The following NCKAP5 variants were observed in gnomAD, a reference collection of about 807,000 sequenced individuals.
NCKAP5 encodes the protein nck-associated protein 5.
Under a neutral mutation model 167.0 loss-of-function variants are expected in NCKAP5, and 92 were observed. The ratio of observed to expected loss-of-function variants is 0.55; its 90% CI spans 0.47 to 0.66. NCKAP5 has a LOEUF of 0.66. Among genes scored for constraint, NCKAP5 ranks in the 30% least tolerant of loss-of-function variants. The pLI, the probability that NCKAP5 is intolerant of heterozygous loss-of-function variation, is 0.00. For missense variants in NCKAP5, 2,378 were observed against 2,315.0 expected, an observed-to-expected ratio of 1.03 and a Z score of -0.56; for synonymous variants, 891 against 877.4, an observed-to-expected ratio of 1.02 and a Z score of -0.27.
In NCKAP5 at chr2:133,431,875, T is replaced by C. The variant is rs74329697; in HGVS notation, c.69+85583A>G. ...GGATTGAGGAAAGGAATCAAATCCA[T>C]TTACATGAGTATAAAGGTTCAAGAA... is the stretch of plus-strand genomic sequence containing the variant. On this transcript the variant is annotated intron_variant, in intron 3 of 19. Transcript: ENST00000409261. 619 of 152,274 alleles carry C rather than the reference T, an allele frequency of 4.1e-3. 6 individuals are homozygous for C. The highest frequency in any genetic ancestry group is 0.014 in the African/African-American group (572 of 41,546). 9.4% of individuals were successfully genotyped at this position (152,274 alleles called of 1,614,324 possible).
At chr2:133,607,163 C>G in the NCKAP5 span, among the ~76,000 whole-genome samples, 1 of 152,226 alleles carries the variant, frequency 6.6e-6, no homozygotes, top group African/African-American at 2.4e-5. Flanking sequence ...TTACCTCCAA[C>G]TCTTTTTAAT....
chr2:132,806,242 C>T (rs1049877081), intron 11 of NCKAP5, among the ~76,000 whole-genome samples: 1 of 152,124 alleles, frequency 6.6e-6, no homozygotes, highest in Non-Finnish European at 1.5e-5. Context: ...AATGTGTGTG[C>T]AAGTATCTTT....
At chr2:133,146,062 G>A (rs2083184712) in intron 5 of NCKAP5, among the ~76,000 whole-genome samples, 1 of 151,740 alleles carries the variant, frequency 6.6e-6, no homozygotes, top group African/African-American at 2.4e-5. Context: ...ATCTTCTCTT[G>A]TGATGAAGTT....
intron 6 of NCKAP5, among the ~76,000 whole-genome samples, chr2:133,090,516 G>T (rs1264450795): frequency 6.6e-6 from 1 of 152,084 alleles, no homozygotes; most frequent in Non-Finnish European, 1.5e-5. Context: ...AGCTAAAAGA[G>T]GCAAAGAATA....
intron 3 of NCKAP5, among the ~76,000 whole-genome samples, chr2:133,473,647 A>C (rs1679560967): frequency 6.6e-6 from 1 of 152,244 alleles, no homozygotes; most frequent in Non-Finnish European, 1.5e-5. Context: ...TTATCCTTCC[A>C]GCCTTACTTT....
chr2:132,775,694 T>A (rs190978777), intron 15 of NCKAP5, among the ~76,000 whole-genome samples: 3 of 152,324 alleles, frequency 2.0e-5, no homozygotes, highest in East Asian at 1.9e-4. Flanking sequence ...TGCTCAGGGA[T>A]CTGTTTGTAA....
At chr2:133,424,128 G>A (rs1689645637) in intron 3 of NCKAP5, among the ~76,000 whole-genome samples, 3 of 152,198 alleles carry the variant, frequency 2.0e-5, no homozygotes, top group South Asian at 4.1e-4. Flanking sequence ...TGAAACTAAA[G>A]TGATGGATTG....
chr2:133,035,451 G>A lies in NCKAP5; in HGVS notation c.342-41212C>T, dbSNP rs147718197. 7.9e-3 allele frequency among the ~76,000 whole-genome samples: 1,196 copies of A among 152,086 alleles called. 20 individuals are homozygous for A. The highest frequency in any genetic ancestry group is 0.028 in the African/African-American group (1,154 of 41,536). On this transcript the variant is annotated intron_variant, in intron 6 of 19. Coordinates refer to ENST00000409261, the MANE Select transcript of NCKAP5 (RefSeq NM_207363.3). The stretch of plus-strand genomic sequence containing the variant: ...CAGAATATTTCATCCAAGAGCTACA[G>A]AATACACATTGTTTTCCTTGGCACA...
At chr2:133,216,861 T>C (rs2086450702) in intron 4 of NCKAP5, among the ~76,000 whole-genome samples, 1 of 152,140 alleles carries the variant, frequency 6.6e-6, no homozygotes, top group Non-Finnish European at 1.5e-5. Context: ...GAAGGCAGTG[T>C]GTACATCTTA....
chr2:133,469,109 T>A (rs1373752132), intron 3 of NCKAP5, among the ~76,000 whole-genome samples: 5 of 152,194 alleles, frequency 3.3e-5, no homozygotes, highest in Admixed American at 2.0e-4. Context: ...CTAGTCTCGA[T>A]GGTCTTTACG....
intron 19 of NCKAP5, among the ~76,000 whole-genome samples, chr2:132,725,135 A>G (rs1690320960): frequency 6.6e-6 from 1 of 152,202 alleles, no homozygotes; most frequent in Admixed American, 6.5e-5. Flanking sequence ...GTCTAGAGAT[A>G]ATGACTTTTC....
intron 2 of NCKAP5, among the ~76,000 whole-genome samples, chr2:133,533,857 C>A (rs1486924072): frequency 2.0e-5 from 3 of 152,116 alleles, no homozygotes; most frequent in Admixed American, 1.3e-4. Context: ...TTATTTATTT[C>A]TTTAATTTAA....
intron 8 of NCKAP5, among the ~76,000 whole-genome samples, chr2:132,890,713 A>C (rs923425319): frequency 6.6e-6 from 1 of 152,008 alleles, no homozygotes; most frequent in Non-Finnish European, 1.5e-5. Context: ...TTTCTGAATC[A>C]CTCATCTTAT....
intron 11 of NCKAP5, among the ~76,000 whole-genome samples, chr2:132,822,802 TA>T (rs1265314442): frequency 6.6e-6 from 1 of 150,484 alleles, no homozygotes; most frequent in African/African-American, 2.4e-5. Context: ...CTTCAAGAAA[TA>T]AAAAAAATGG....
the NCKAP5 span, among the ~76,000 whole-genome samples, chr2:133,647,749 G>GAAGGAAGGAAGGAAGGAAGGAAGGA: frequency 7.2e-6 from 1 of 139,070 alleles, no homozygotes; most frequent in Non-Finnish European, 1.6e-5. Flanking sequence ...AGGAAGGAAG[G>GAAGGAAGGAAGGAAGGAAGGAAGGA]AAAGAAAAGA....
chr2:133,110,142 T>G (rs1341299604), intron 6 of NCKAP5, among the ~76,000 whole-genome samples: 5 of 152,242 alleles, frequency 3.3e-5, no homozygotes, highest in Non-Finnish European at 5.9e-5. Flanking sequence ...TTAAATGTTC[T>G]CATTTACAGA....
chr2:133,063,362 C>G (rs2080077317), intron 6 of NCKAP5, among the ~76,000 whole-genome samples: 1 of 152,168 alleles, frequency 6.6e-6, no homozygotes, highest in Non-Finnish European at 1.5e-5. Flanking sequence ...AATTTATTAT[C>G]TCTGAACTGT....
intron 4 of NCKAP5, among the ~76,000 whole-genome samples, chr2:133,293,528 G>A (rs1246401162): frequency 6.6e-6 from 1 of 152,134 alleles, no homozygotes; most frequent in Non-Finnish European, 1.5e-5. Flanking sequence ...CTGGAAGAAA[G>A]GTTCTTGGAA....
chr2:132,714,031 A>T (rs1689119435), intron 19 of NCKAP5, among the ~76,000 whole-genome samples: 1 of 152,216 alleles, frequency 6.6e-6, no homozygotes. Flanking sequence ...CATGTAATTG[A>T]ATTTGAAAAC....
Sources: allele counts gnomAD v4.1 joint callset (sites outside exome capture counted in the v4.1 genomes callset), GRCh38; gene constraint gnomAD v4.1.1; transcripts MANE v1.5; gene names NCBI Gene and HGNC (gene_info 2026-07-23, HGNC 2026-07-21).